GLIS2: variants seen among roughly 807,000 people sequenced by gnomAD.
GLIS2 encodes the protein zinc finger protein GLIS2.
A neutral mutation model predicts 35.6 loss-of-function variants in GLIS2; 14 were observed. That is an observed-to-expected ratio of 0.39 (90% CI 0.26 to 0.61). The LOEUF (loss-of-function observed/expected upper bound fraction) is 0.61, where lower values mean the gene tolerates loss of function less well. GLIS2 is among the 20% of genes least tolerant of loss of function. GLIS2 has a pLI of 0.48. For synonymous variants in GLIS2, 368 were observed against 325.1 expected (o/e 1.13, Z -1.42); for missense variants, 675 against 713.4 (o/e 0.95, Z 0.61).
At chr16:4,336,336 G>C (rs1205926445) in intron 6 of GLIS2, 3 of 392,612 alleles carry the variant, frequency 7.6e-6, no homozygotes, top group Non-Finnish European at 1.5e-5. Context: ...TAGTAGAGAC[G>C]GGGTCTCACC....
intron 1 of GLIS2, among the ~76,000 whole-genome samples, chr16:4,319,592 T>G (rs957189223): frequency 6.6e-6 from 1 of 152,152 alleles, no homozygotes; most frequent in Non-Finnish European, 1.5e-5. Flanking sequence ...TGCCTCTCAG[T>G]GGTTTCTGAG....
At chr16:4,322,319 A>G (rs17136976) in intron 1 of GLIS2, among the ~76,000 whole-genome samples, 1 of 151,562 alleles carries the variant, frequency 6.6e-6, no homozygotes, top group Non-Finnish European at 1.5e-5. Flanking sequence ...CTCCTCGTCT[A>G]CTCCATGACT....
In GLIS2 at chr16:4,337,336, A is replaced by G; in HGVS notation, c.1387A>G (p.Thr463Ala). Residue 463 changes from threonine (T) to alanine (A), a missense_variant, in exon 7 of 7, where the codon ACG (threonine) becomes GCG (alanine). Physicochemically the swap from Thr to Ala is moderately conservative, Grantham distance 58. Around this residue, in one of 3 missense-constraint regions of GLIS2, gnomAD observed 317 missense variants for 283.2 expected, o/e 1.12. Coordinates refer to ENST00000433375, the MANE Select transcript of GLIS2 (RefSeq NM_032575.3). The stretch of plus-strand genomic sequence containing the variant: ...GGCCCTGGGCATGGAGGGCCACAAG[A>G]CGCCCCTTGAAAGGACGGAGAGCAG... ...TRALGMEGHK[T>A]PLERTESSCS... is the part of the protein sequence containing the mutation. The G allele has an allele frequency of 1.9e-6, 3 of 1,585,908 alleles. No individual in the cohort carries two copies. The highest frequency in any genetic ancestry group is 2.6e-6 in the Non-Finnish European group (3 of 1,167,910).
At position 4,339,574 on chromosome 16, in the gene GLIS2, C is replaced by A. The variant is rs557931330; in HGVS notation, c.*2050C>A. On this transcript the variant is annotated 3_prime_UTR_variant, in exon 7 of 7. Coordinates refer to ENST00000433375, the MANE Select transcript of GLIS2 (RefSeq NM_032575.3). The stretch of plus-strand genomic sequence containing the variant: ...ATGGGAGAGGAAGTTTATAAAGAAA[C>A]AATAAAAGTGAGTTGCAAAGATGGC... 6.6e-6 allele frequency: 1 copy of A among 152,428 alleles called. No homozygotes were observed. Among genetic ancestry groups the A allele is most frequent in the South Asian group, 2.1e-4 (1 of 4,820 alleles). 9.4% of individuals were successfully genotyped at this position (152,428 alleles called of 1,614,324 possible). A position where few individuals can be genotyped will look rare whatever the true frequency, so the allele number is the denominator to read the frequency against.
At chr16:4,330,973 T>TTTTG (rs149627514) in intron 1 of GLIS2, among the ~76,000 whole-genome samples, 2 of 152,014 alleles carry the variant, frequency 1.3e-5, no homozygotes, top group African/African-American at 2.4e-5. Context: ...GCGTTTGGCT[T>TTTTG]TTTGTTTGTT....
At chr16:4,322,553 TCC>T (rs1555463217) in intron 1 of GLIS2, among the ~76,000 whole-genome samples, 3 of 151,816 alleles carry the variant, frequency 2.0e-5, no homozygotes, top group Non-Finnish European at 2.9e-5. Flanking sequence ...GGCTCCCACC[TCC>T]CCAAGGCTCT....
intron 1 of GLIS2, among the ~76,000 whole-genome samples, chr16:4,317,982 A>G (rs2053334108): frequency 6.6e-6 from 1 of 151,982 alleles, no homozygotes; most frequent in Non-Finnish European, 1.5e-5. Context: ...TCGGCCCCTG[A>G]GTGACCCTGG....
intron 1 of GLIS2, among the ~76,000 whole-genome samples, chr16:4,321,858 G>A (rs999994743): frequency 5.3e-5 from 8 of 152,198 alleles, no homozygotes; most frequent in Non-Finnish European, 8.8e-5. Flanking sequence ...TGTACACCAC[G>A]CTGTGCACAG....
At chr16:4,329,465 G>A (rs1042261048) in intron 1 of GLIS2, among the ~76,000 whole-genome samples, 94 of 152,326 alleles carry the variant, frequency 6.2e-4, no homozygotes, top group African/African-American at 2.2e-3. Context: ...TGCAGCCTTG[G>A]GAGAGGTGGG....
At chr16:4,322,085 CA>C (rs1331133376) in intron 1 of GLIS2, among the ~76,000 whole-genome samples, 4 of 151,362 alleles carry the variant, frequency 2.6e-5, no homozygotes, top group South Asian at 2.1e-4. Flanking sequence ...GGAAAGAGAA[CA>C]GGGGGGCATG....
At chr16:4,333,831 G>A (rs1294626572) in intron 3 of GLIS2, among the ~76,000 whole-genome samples, 1 of 152,120 alleles carries the variant, frequency 6.6e-6, no homozygotes, top group Non-Finnish European at 1.5e-5. Context: ...CACCAGTCAT[G>A]GCCGGGCACG....
intron 1 of GLIS2, among the ~76,000 whole-genome samples, chr16:4,327,211 A>G (rs1314189815): frequency 1.3e-5 from 2 of 152,194 alleles, no homozygotes; most frequent in Non-Finnish European, 2.9e-5. Flanking sequence ...AGCTTTATTC[A>G]GAGCAGGACT....
chr16:4,321,170 G>T (rs2053375089), intron 1 of GLIS2, among the ~76,000 whole-genome samples: 2 of 152,172 alleles, frequency 1.3e-5, no homozygotes, highest in Admixed American at 1.3e-4. Context: ...GGCTGGGAGG[G>T]CGTGGCAGGA....
intron 1 of GLIS2, chr16:4,331,885 G>A (rs2053499741): frequency 9.0e-6 from 3 of 334,808 alleles, no homozygotes; most frequent in East Asian, 7.4e-5. Flanking sequence ...GGAGGTCGAG[G>A]CTGCAGTGAG....
chr16:4,332,836 C>T lies in GLIS2; in HGVS notation c.172+384C>T, dbSNP rs1002718119. Among the ~76,000 whole-genome samples the T allele has an allele frequency of 6.6e-5, 10 of 152,200 alleles. No individual in the cohort carries two copies. The highest frequency in any genetic ancestry group is 1.7e-4 in the African/African-American group (7 of 41,454). ...CCAGGAGGTGCCTCTCAGGGATTCC[C>T]GGTGCTTGGGCCCAGGGTGGTGGGC... On this transcript the variant is annotated intron_variant, in intron 2 of 6. Coordinates refer to ENST00000433375, the MANE Select transcript of GLIS2 (RefSeq NM_032575.3). The surrounding 1 kb of genome is among the most constrained non-coding windows in gnomAD (Gnocchi z 5.4).
rs576329244 is a variant in GLIS2 at position 4,334,674 on chromosome 16, C to T, written c.346-127C>T. On this transcript the variant is annotated intron_variant, in intron 3 of 6. Transcript: ENST00000433375. ...TCCTAGTTCCAAATAAGGCCACATGCACAGGTAGGGGCTGGGGAGAAGAGG... is the reference window on the plus strand; with the variant it reads ...TCCTAGTTCCAAATAAGGCCACATGTACAGGTAGGGGCTGGGGAGAAGAGG... The T allele has an allele frequency of 4.4e-5, 48 of 1,095,224 alleles. No homozygotes were observed. In the East Asian group the frequency reaches 1.1e-3, roughly 26 times the overall value. 67.8% of individuals were successfully genotyped at this position (1,095,224 alleles called of 1,614,324 possible). A position where few individuals can be genotyped will look rare whatever the true frequency, so the allele number is the denominator to read the frequency against.
chr16:4,321,215 A>T (rs2053375567), intron 1 of GLIS2, among the ~76,000 whole-genome samples: 1 of 152,014 alleles, frequency 6.6e-6, no homozygotes, highest in Non-Finnish European at 1.5e-5. Flanking sequence ...CCTTCCCACC[A>T]TCCCAGCTGG....
Position 4,337,475 on chromosome 16 carries a change from T to G in GLIS2, c.1526T>G (p.Val509Gly), listed in dbSNP as rs745941117. 63 of 1,573,598 alleles carry G rather than the reference T, an allele frequency of 4.0e-5. No individual in the cohort carries two copies. The highest frequency in any genetic ancestry group is 5.1e-5 in the Non-Finnish European group (59 of 1,163,764). ...SSPEALAPGW[V>G]VIPPGSVLLK... Reference sequence around the variant, plus strand: ...CCAGAGGCGTTGGCCCCTGGCTGGGTGGTCATCCCGCCGGGCTCGGTGCTG... The same window carrying G: ...CCAGAGGCGTTGGCCCCTGGCTGGGGGGTCATCCCGCCGGGCTCGGTGCTG... Residue 509 changes from valine to glycine, a missense_variant, in exon 7 of 7, where the codon GTG becomes GGG. By Grantham distance (109) the Val-to-Gly change is moderately radical (BLOSUM62 -3). Transcript: ENST00000433375.
At chr16:4,321,015 G>C (rs1016425362) in intron 1 of GLIS2, among the ~76,000 whole-genome samples, 1 of 152,222 alleles carries the variant, frequency 6.6e-6, no homozygotes, top group African/African-American at 2.4e-5. Flanking sequence ...TTTGGAGGCT[G>C]TCCCCGGCTT....
Sources: gnomAD v4.1 joint callset for allele counts (sites outside exome capture counted in the v4.1 genomes callset) on GRCh38, gnomAD v4.1.1 for gene constraint, gnomAD v4.1.1 regional missense constraint, Gnocchi (gnomAD v3.1) non-coding constraint, MANE v1.5 for transcripts, NCBI Gene and HGNC (gene_info 2026-07-23, HGNC 2026-07-21) for gene names.